TP53BP2: variants seen among roughly 807,000 people sequenced by gnomAD.
TP53BP2 encodes apoptosis-stimulating of p53 protein 2.
TP53BP2 carries 62 observed loss-of-function variants against 126.2 expected under a neutral mutation model. That is an observed-to-expected ratio of 0.49 (90% CI 0.40 to 0.61). TP53BP2 has a LOEUF of 0.61. TP53BP2 is among the 20% of genes least tolerant of loss of function. TP53BP2 has a pLI of 0.00. For missense variants in TP53BP2, 1,215 were observed against 1,402.8 expected (o/e 0.87, Z 2.14); for synonymous variants, 485 against 502.9 (o/e 0.96, Z 0.48).
Position 223,796,219 on chromosome 1 carries a change from G to A in TP53BP2, c.2320C>T (p.Pro774Ser). The change falls in exon 13 of 18, where the codon CCA becomes TCA. Residue 774 changes from proline to serine, a missense_variant. Physicochemically the swap from Pro to Ser is moderately conservative, Grantham distance 74. Around this residue, in one of 4 missense-constraint regions of TP53BP2, gnomAD observed 204 missense variants for 225.7 expected, o/e 0.90. Coordinates refer to ENST00000343537, the MANE Select transcript of TP53BP2 (RefSeq NM_001031685.3). This position sits in a 1 kb window ranked among gnomAD's most constrained non-coding sequence, Gnocchi z 4.2. ...TIAAMETISV[P>S]SYPSKSASVT... is the part of the protein sequence containing the mutation. ...GAAGCTGACTTGGATGGGTATGATG[G>A]GACAGAGATGGTCTCCATGGCCGCT... The A allele has an allele frequency of 1.2e-6, 2 of 1,614,112 alleles. No homozygotes were observed. Among genetic ancestry groups the A allele is most frequent in the African/African-American group, 2.7e-5 (2 of 75,022 alleles).
At chr1:223,845,181 A>T in intron 1 of TP53BP2, 2 of 937,810 alleles carry the variant, frequency 2.1e-6, no homozygotes, top group South Asian at 4.9e-5. Flanking sequence ...AGGGTGACTT[A>T]GCTGCTACTG....
Position 223,789,191 on chromosome 1 carries a change from G to A in TP53BP2, c.2997-17C>T, listed in dbSNP as rs747512974. The A allele has an allele frequency of 6.8e-6, 11 of 1,613,880 alleles. No homozygotes were observed. The highest frequency in any genetic ancestry group is 1.1e-5 in the South Asian group (1 of 91,034). ...AATGGAGTCCTGTGAAGCAAGATAC[G>A]AGGGCTAGAACTGTTTTCCTAAACT... On this transcript the variant is annotated splice_polypyrimidine_tract_variant and intron_variant, in intron 15 of 17. Coordinates refer to ENST00000343537, the MANE Select transcript of TP53BP2 (RefSeq NM_001031685.3).
intron 15 of TP53BP2, among the ~76,000 whole-genome samples, chr1:223,791,976 T>C (rs1662170759): frequency 6.6e-6 from 1 of 152,154 alleles, no homozygotes; most frequent in Non-Finnish European, 1.5e-5. Flanking sequence ...TGGTCAAATA[T>C]ATTTAGGATA....
intron 11 of TP53BP2, among the ~76,000 whole-genome samples, chr1:223,798,940 C>T (rs1662435056): frequency 2.0e-5 from 3 of 152,036 alleles, no homozygotes; most frequent in South Asian, 4.2e-4. Flanking sequence ...GGCATGGTGG[C>T]GGGCGCCTGT....
intron 17 of TP53BP2, among the ~76,000 whole-genome samples, chr1:223,783,401 C>G (rs926148092): frequency 6.6e-6 from 1 of 152,218 alleles, no homozygotes; most frequent in African/African-American, 2.4e-5. Flanking sequence ...TCCTTACTTC[C>G]TCACCAACAG....
Position 223,845,785 on chromosome 1 carries a change from A to AGGCGGCGGCGGCGGC in TP53BP2, c.-120_-106dup. 8.7e-7 allele frequency: 1 copy of AGGCGGCGGCGGCGGC among 1,150,036 alleles called. No individual in the cohort carries two copies. Among genetic ancestry groups the AGGCGGCGGCGGCGGC allele is most frequent in the Non-Finnish European group, 1.1e-6 (1 of 914,538 alleles). 71.2% of individuals were successfully genotyped at this position (1,150,036 alleles called of 1,614,324 possible). A position where few individuals can be genotyped will look rare whatever the true frequency, so the allele number is the denominator to read the frequency against. Reference sequence around the variant, plus strand: ...AGCGAGGCCGCCCGGACCTGTTGCGAGGCGGCGGCGGCGGCAGCGGCGGCG... The same window carrying AGGCGGCGGCGGCGGC: ...AGCGAGGCCGCCCGGACCTGTTGCGAGGCGGCGGCGGCGGCGGCGGCGGCGGCGGCAGCGGCGGCG... On this transcript the variant is annotated 5_prime_UTR_variant, in exon 1 of 18. Transcript: ENST00000343537.
intron 1 of TP53BP2, 50 bp downstream of exon 1, chr1:223,845,603 CG>C: frequency 6.6e-7 from 1 of 1,518,060 alleles, no homozygotes. Context: ...GCCCCCGGCA[CG>C]CGACCCCGCA....
intron 15 of TP53BP2, among the ~76,000 whole-genome samples, chr1:223,791,211 GA>G (rs1662143284): frequency 6.6e-6 from 1 of 152,054 alleles, no homozygotes; most frequent in Non-Finnish European, 1.5e-5. Flanking sequence ...AGGATCACTT[GA>G]GTCCAGGAGT....
chr1:223,804,007 AC>A (rs1662625100), intron 6 of TP53BP2, among the ~76,000 whole-genome samples, 166 bp downstream of exon 6: 1 of 152,196 alleles, frequency 6.6e-6, no homozygotes, highest in Non-Finnish European at 1.5e-5. Context: ...CTACAGATCA[AC>A]CATGGTGGCT....
intron 16 of TP53BP2, among the ~76,000 whole-genome samples, chr1:223,786,561 T>G (rs1017700792): frequency 6.9e-6 from 1 of 145,442 alleles, no homozygotes; most frequent in East Asian, 2.0e-4. Flanking sequence ...ATTATATATA[T>G]GTGTGTGTGT....
chr1:223,814,275 A>G lies in TP53BP2; in HGVS notation c.254T>C (p.Phe85Ser). The G allele has an allele frequency of 6.2e-7, 1 of 1,613,958 alleles. No homozygotes were observed. Among genetic ancestry groups the G allele is most frequent in the Non-Finnish European group, 8.5e-7 (1 of 1,179,838 alleles). The change falls in exon 3 of 18, where the codon TTC becomes TCC. Residue 85 changes from phenylalanine to serine, a missense_variant. Physicochemically the swap from Phe to Ser is radical, Grantham distance 155 (BLOSUM62 -2). Transcript: ENST00000343537. The part of the protein sequence containing the change: ...FGSQRNEVRF[F>S]LRHERPPGRD... The stretch of plus-strand genomic sequence containing the variant: ...GCCAGGGGGGCGTTCATGACGAAGG[A>G]AGAAGCGAACTTCGTTCCTCTGACT...
At chr1:223,789,588 T>C (rs1481560119) in intron 15 of TP53BP2, among the ~76,000 whole-genome samples, 2 of 152,222 alleles carry the variant, frequency 1.3e-5, no homozygotes, top group Non-Finnish European at 2.9e-5. Context: ...CTCAAAACAC[T>C]GGCCTTTAAA....
At chr1:223,798,029 C>CCTA (rs1181985972) in intron 12 of TP53BP2, among the ~76,000 whole-genome samples, 186 bp downstream of exon 12, 1 of 152,106 alleles carries the variant, frequency 6.6e-6, no homozygotes, top group African/African-American at 2.4e-5. Flanking sequence ...ATCTTTAGTG[C>CCTA]CTACTACTGT....
chr1:223,837,906 C>T (rs1663976595), intron 1 of TP53BP2, among the ~76,000 whole-genome samples: 1 of 152,062 alleles, frequency 6.6e-6, no homozygotes, highest in Non-Finnish European at 1.5e-5. Flanking sequence ...TGCCCTCTGC[C>T]CACGAAGCCC....
At position 223,831,478 on chromosome 1, in the gene TP53BP2, AAAATATAT is replaced by A. The variant is rs1346388596; in HGVS notation, c.28-10119_28-10112del. ...CATATGTACCATCTAAAAAAAAAAA[AAAATATAT>A]ATATATATATATATATATATATATA... On this transcript the variant is annotated intron_variant, in intron 1 of 17. Coordinates refer to ENST00000343537, the MANE Select transcript of TP53BP2 (RefSeq NM_001031685.3). Among the ~76,000 whole-genome samples the A allele has an allele frequency of 6.2e-3, 270 of 43,606 alleles. 4 individuals are homozygous for A. The highest frequency in any genetic ancestry group is 0.018 in the East Asian group (28 of 1,526). 28.6% of individuals were successfully genotyped at this position (43,606 alleles called of 152,430 possible).
intron 1 of TP53BP2, among the ~76,000 whole-genome samples, chr1:223,824,621 A>G (rs1176965172): frequency 1.3e-5 from 2 of 152,176 alleles, no homozygotes; most frequent in Admixed American, 1.3e-4. Context: ...ACGTTTACCT[A>G]CGTAACAAAC....
At chr1:223,833,658 A>G (rs1663819726) in intron 1 of TP53BP2, among the ~76,000 whole-genome samples, 2 of 152,354 alleles carry the variant, frequency 1.3e-5, no homozygotes, top group South Asian at 4.1e-4. Flanking sequence ...AGAAACCTAT[A>G]GGAGTCATAT....
intron 1 of TP53BP2, among the ~76,000 whole-genome samples, chr1:223,841,912 C>CTTTT (rs779473003): frequency 3.5e-5 from 5 of 142,360 alleles, no homozygotes; most frequent in East Asian, 2.0e-4. Context: ...CTTTCTCTTT[C>CTTTT]TTTTTTTTTT....
chr1:223,803,265 G>A lies in TP53BP2; in HGVS notation c.831+6C>T, dbSNP rs139221108. On this transcript the variant is annotated splice_donor_region_variant and intron_variant, in intron 7 of 17. Transcript: ENST00000343537. ...GTACAGCTTTTGGCAAACAGCTACG[G>A]TCTACCTGCAGCTCCTTATAGAGGC... 2 of 1,604,598 alleles carry A rather than the reference G, an allele frequency of 1.2e-6. No individual in the cohort carries two copies. Among genetic ancestry groups the A allele is most frequent in the Admixed American group, 3.4e-5 (2 of 58,320 alleles).
Sources: allele counts gnomAD v4.1 joint callset (sites outside exome capture counted in the v4.1 genomes callset), GRCh38; gene constraint gnomAD v4.1.1; regional missense constraint gnomAD v4.1.1; non-coding constraint Gnocchi (gnomAD v3.1); transcripts MANE v1.5; gene names NCBI Gene and HGNC (gene_info 2026-07-23, HGNC 2026-07-21).